CDK14: variants seen among roughly 807,000 people sequenced by gnomAD.
CDK14 encodes cyclin-dependent kinase 14.
In CDK14, 34 loss-of-function variants were observed where a neutral mutation model predicts 60.7. The observed-to-expected ratio is 0.56, with a 90% CI of 0.43 to 0.75. The LOEUF is 0.75. Among genes scored for constraint, CDK14 ranks in the 30% least tolerant of loss-of-function variants. The pLI is 0.00. For missense variants in CDK14, 482 were observed against 564.1 expected (o/e 0.85, Z 1.47); for synonymous variants, 197 against 203.7 (o/e 0.97, Z 0.28).
chr7:90,944,783 T>C (rs1794050680), intron 8 of CDK14, among the ~76,000 whole-genome samples: 1 of 152,092 alleles, frequency 6.6e-6, no homozygotes, highest in African/African-American at 2.4e-5. Context: ...CTGCCCCACC[T>C]GTGTGGGGCA....
intron 6 of CDK14, among the ~76,000 whole-genome samples, chr7:90,882,642 A>G (rs1404295049): frequency 6.6e-6 from 1 of 152,240 alleles, no homozygotes; most frequent in Non-Finnish European, 1.5e-5. Flanking sequence ...CAGAATGTAC[A>G]TTCTTCTCAG....
intron 5 of CDK14, among the ~76,000 whole-genome samples, chr7:90,807,139 C>A (rs1475175076): frequency 6.6e-6 from 1 of 152,326 alleles, no homozygotes. Flanking sequence ...CAGCACGCAG[C>A]TGGAGATCTG....
Position 90,786,755 on chromosome 7 carries a change from A to AT in CDK14, c.465-3807dup, listed in dbSNP as rs10661080. 6.2e-3 allele frequency among the ~76,000 whole-genome samples: 926 copies of AT among 148,532 alleles called. 16 individuals are homozygous for AT. Among genetic ancestry groups the AT allele is most frequent in the African/African-American group, 0.021 (832 of 40,514 alleles). ...AACATAGTGAGACCTTTTCTCTAAA[A>AT]TTTTTTTTTTTAAATTAGCCTGACG... On this transcript the variant is annotated intron_variant, in intron 4 of 14. Transcript: ENST00000380050.
chr7:90,652,316 G>C (rs1800661275), intron 2 of CDK14, among the ~76,000 whole-genome samples: 1 of 152,166 alleles, frequency 6.6e-6, no homozygotes, highest in Non-Finnish European at 1.5e-5. Context: ...ATCAACTTAT[G>C]AATCAAATGA....
chr7:90,642,184 G>A (rs746323696), intron 2 of CDK14, among the ~76,000 whole-genome samples: 3 of 152,122 alleles, frequency 2.0e-5, no homozygotes, highest in East Asian at 1.9e-4. Context: ...TACCTCAAGC[G>A]GTTTAAAGAA....
intron 10 of CDK14, among the ~76,000 whole-genome samples, chr7:91,039,070 ACACT>A (rs111990473): frequency 0.027 from 4,147 of 152,214 alleles, 180 homozygotes; most frequent in African/African-American, 0.094. Flanking sequence ...ATCTTTACAC[ACACT>A]CTCTTCTGTC....
chr7:91,051,977 T>C (rs1238768116), intron 11 of CDK14, among the ~76,000 whole-genome samples: 1 of 152,216 alleles, frequency 6.6e-6, no homozygotes, highest in African/African-American at 2.4e-5. Context: ...TTAAGCTTCA[T>C]AGAATTGTGG....
chr7:90,927,776 G>T (rs1793461503), intron 8 of CDK14, among the ~76,000 whole-genome samples: 1 of 152,114 alleles, frequency 6.6e-6, no homozygotes, highest in Non-Finnish European at 1.5e-5. Flanking sequence ...CTAGGTTGGG[G>T]AAGTTCTCCT....
intron 2 of CDK14, among the ~76,000 whole-genome samples, chr7:90,639,658 A>G (rs1397656844): frequency 2.2e-5 from 3 of 137,312 alleles, no homozygotes; most frequent in Non-Finnish European, 4.6e-5. Context: ...GCTCTCCTCA[A>G]AGCTGTCAGA....
chr7:90,602,291 T>C (rs1229017703), intron 1 of CDK14, among the ~76,000 whole-genome samples: 3 of 152,258 alleles, frequency 2.0e-5, no homozygotes, highest in South Asian at 2.1e-4. Flanking sequence ...GTTCCATTAA[T>C]CTTTGTTAAA....
At chr7:91,061,644 T>C (rs763891688) in intron 11 of CDK14, among the ~76,000 whole-genome samples, 7 of 152,230 alleles carry the variant, frequency 4.6e-5, no homozygotes, top group Non-Finnish European at 7.3e-5. Flanking sequence ...TGCAGGTCTG[T>C]TGAGGTTTGC....
chr7:90,991,149 T>A (rs1029273842), intron 10 of CDK14, among the ~76,000 whole-genome samples: 1 of 152,134 alleles, frequency 6.6e-6, no homozygotes, highest in South Asian at 2.1e-4. Flanking sequence ...ATGGGAACAT[T>A]GAAAAGGAGT....
At chr7:90,905,776 G>T (rs1403574781) in intron 7 of CDK14, among the ~76,000 whole-genome samples, 2 of 152,254 alleles carry the variant, frequency 1.3e-5, no homozygotes, top group Non-Finnish European at 2.9e-5. Context: ...GAAACACTAA[G>T]TCACATAGGT....
intron 5 of CDK14, among the ~76,000 whole-genome samples, chr7:90,845,898 G>C (rs144681213): frequency 9.2e-5 from 14 of 152,174 alleles, no homozygotes; most frequent in African/African-American, 3.4e-4. Context: ...CATTCAGTTA[G>C]TTTTATGTGA....
At chr7:90,721,868 C>T (rs1003880829) in intron 2 of CDK14, among the ~76,000 whole-genome samples, 44 of 152,006 alleles carry the variant, frequency 2.9e-4, no homozygotes, top group African/African-American at 2.4e-5. Flanking sequence ...CTGCACTGAC[C>T]ATAAGCATTT....
chr7:90,926,785 A>T (rs1020725955), intron 8 of CDK14, among the ~76,000 whole-genome samples: 1 of 152,128 alleles, frequency 6.6e-6, no homozygotes, highest in Admixed American at 6.5e-5. Context: ...AGTCTGCAAG[A>T]CTACCTCCGC....
At chr7:91,158,150 A>G (rs1405644275) in intron 14 of CDK14, among the ~76,000 whole-genome samples, 1 of 148,158 alleles carries the variant, frequency 6.7e-6, no homozygotes, top group African/African-American at 2.4e-5. Flanking sequence ...TTATACATAA[A>G]TATACATTAA....
intron 5 of CDK14, among the ~76,000 whole-genome samples, chr7:90,855,794 G>T (rs1263146201): frequency 6.6e-6 from 1 of 152,160 alleles, no homozygotes; most frequent in Non-Finnish European, 1.5e-5. Context: ...AGAGGAGTGT[G>T]TTCTTTACAG....
At chr7:90,876,660 A>G (rs1447022241) in intron 6 of CDK14, among the ~76,000 whole-genome samples, 1 of 152,138 alleles carries the variant, frequency 6.6e-6, no homozygotes, top group Admixed American at 6.5e-5. Flanking sequence ...TCTGTTTTGG[A>G]GCTTCAAAAT....
Sources: gnomAD v4.1 joint callset for allele counts (sites outside exome capture counted in the v4.1 genomes callset) on GRCh38, gnomAD v4.1.1 for gene constraint, MANE v1.5 for transcripts, NCBI Gene and HGNC (gene_info 2026-07-23, HGNC 2026-07-21) for gene names.